The following FRMD6 variants were observed in gnomAD, a reference collection of about 807,000 sequenced individuals.
FRMD6 encodes FERM domain containing 6, also known as FERM domain-containing protein 6.
FRMD6 carries 37 observed loss-of-function variants against 73.2 expected under a neutral mutation model. The ratio of observed to expected loss-of-function variants is 0.51; its 90% confidence interval spans 0.39 to 0.66. The LOEUF (loss-of-function observed/expected upper bound fraction) is 0.66. FRMD6 is among the 30% of genes least tolerant of loss of function. The probability of loss-of-function intolerance (pLI) is 0.00; values close to 1 mark genes in which losing one functional copy is unlikely to be tolerated. For synonymous variants in FRMD6, 273 were observed against 282.2 expected, an observed-to-expected ratio of 0.97 and a Z score of 0.33; for missense variants, 714 against 780.5, an observed-to-expected ratio of 0.91 and a Z score of 1.02.
At chr14:51,426,479 T>A in the FRMD6 span, among the ~76,000 whole-genome samples, 43 of 152,330 alleles carry the variant, frequency 2.8e-4, no homozygotes, top group African/African-American at 9.4e-4. Context: ...ATAGTTTTTT[T>A]AATATACCCT....
At chr14:51,423,318 C>A in the FRMD6 span, among the ~76,000 whole-genome samples, 1 of 152,176 alleles carries the variant, frequency 6.6e-6, no homozygotes, top group Non-Finnish European at 1.5e-5. Context: ...ATGGGGGCAC[C>A]CGTCTGTCAC....
chr14:51,479,109 C>T, the FRMD6 span, among the ~76,000 whole-genome samples: 1 of 152,146 alleles, frequency 6.6e-6, no homozygotes, highest in African/African-American at 2.4e-5. Context: ...TCATTAATTA[C>T]TGACAGCCCA....
chr14:51,559,939 G>A (rs566998976), intron 1 of FRMD6, among the ~76,000 whole-genome samples: 127 of 152,286 alleles, frequency 8.3e-4, no homozygotes, highest in African/African-American at 2.8e-3. Flanking sequence ...ATTTCCAGGC[G>A]TGCCTAGAGT....
the FRMD6 span, among the ~76,000 whole-genome samples, chr14:51,427,930 C>T: frequency 6.6e-6 from 1 of 152,192 alleles, no homozygotes; most frequent in Non-Finnish European, 1.5e-5. Context: ...AATACTACCA[C>T]ATTCTTTAAA....
chr14:51,569,150 A>G (rs1887958435), intron 1 of FRMD6, among the ~76,000 whole-genome samples: 1 of 152,306 alleles, frequency 6.6e-6, no homozygotes, highest in South Asian at 2.1e-4. Context: ...CCAGCCAGAA[A>G]GGCTTTTACT....
intron 2 of FRMD6, among the ~76,000 whole-genome samples, chr14:51,593,521 C>A (rs1300003075): frequency 6.6e-6 from 1 of 152,114 alleles, no homozygotes; most frequent in African/African-American, 2.4e-5. Flanking sequence ...TGTGTTGTAC[C>A]AGCAGACAGT....
chr14:51,582,104 C>G (rs143927231), intron 2 of FRMD6, among the ~76,000 whole-genome samples: 279 of 152,326 alleles, frequency 1.8e-3, no homozygotes, highest in African/African-American at 6.5e-3. Flanking sequence ...GTATTTGTGA[C>G]TACGTCATAC....
At chr14:51,558,762 A>G (rs1193644611) in intron 1 of FRMD6, among the ~76,000 whole-genome samples, 1 of 152,118 alleles carries the variant, frequency 6.6e-6, no homozygotes, top group East Asian at 1.9e-4. Flanking sequence ...CTATTTGAGA[A>G]AATTTGCCCT....
At chr14:51,657,638 G>A (rs1477959292) in intron 1 of FRMD6, among the ~76,000 whole-genome samples, 1 of 152,136 alleles carries the variant, frequency 6.6e-6, no homozygotes, top group Non-Finnish European at 1.5e-5. Context: ...TACATGGTAG[G>A]TGACCTTTTG....
intron 10 of FRMD6, among the ~76,000 whole-genome samples, chr14:51,717,745 A>T (rs1897314976): frequency 1.3e-5 from 2 of 152,166 alleles, no homozygotes; most frequent in African/African-American, 4.8e-5. Context: ...TTAGTTTAGC[A>T]AAAAACAGCA....
At chr14:51,442,895 G>A in the FRMD6 span, among the ~76,000 whole-genome samples, 13 of 152,312 alleles carry the variant, frequency 8.5e-5, no homozygotes, top group East Asian at 1.9e-3. Flanking sequence ...ACAGAGTGAC[G>A]TACCATTTTC....
intron 2 of FRMD6, among the ~76,000 whole-genome samples, chr14:51,617,656 G>A (rs910223902): frequency 4.6e-5 from 7 of 152,106 alleles, no homozygotes; most frequent in African/African-American, 1.7e-4. Flanking sequence ...GGTTGTTGAA[G>A]GGATTAAATG....
At chr14:51,451,948 A>G in the FRMD6 span, among the ~76,000 whole-genome samples, 1 of 152,210 alleles carries the variant, frequency 6.6e-6, no homozygotes, top group Non-Finnish European at 1.5e-5. Flanking sequence ...ACACCCGTGG[A>G]GGACTTTGAC....
At chr14:51,489,230 A>C (rs1882857231) in exon 1 of FRMD6, 1 of 151,958 alleles carries the variant, frequency 6.6e-6, no homozygotes, top group Non-Finnish European at 1.5e-5. Flanking sequence ...TTCCTTGAGC[A>C]CCCCACTCTG....
intron 2 of FRMD6, among the ~76,000 whole-genome samples, chr14:51,591,072 A>ATTTTG (rs911830824): frequency 6.6e-6 from 1 of 151,930 alleles, no homozygotes; most frequent in African/African-American, 2.4e-5. Context: ...TTTTTGGTTC[A>ATTTTG]TTTTGTTTTG....
At position 51,715,219 on chromosome 14, in the gene FRMD6, A is replaced by G. The variant is rs142176874; in HGVS notation, c.850-106A>G. 5.7e-4 allele frequency: 484 copies of G among 846,418 alleles called. 4 individuals carry two copies. In the East Asian group the frequency reaches 0.012, roughly 21 times the overall value. 52.4% of individuals were successfully genotyped at this position (846,418 alleles called of 1,614,324 possible). ...CACAAGGAATTTTAAATGAAACTTT[A>G]TACATTTCAGAATCTATAATTTTCC... On this transcript the variant is annotated intron_variant, in intron 9 of 13. Coordinates refer to ENST00000344768, the MANE Select transcript of FRMD6 (RefSeq NM_001267046.2).
At chr14:51,551,237 A>G (rs1886813313) in intron 1 of FRMD6, among the ~76,000 whole-genome samples, 2 of 152,222 alleles carry the variant, frequency 1.3e-5, no homozygotes, top group African/African-American at 2.4e-5. Flanking sequence ...TTCTTGGGGC[A>G]CTTCCTCTTC....
At chr14:51,454,098 C>T in the FRMD6 span, among the ~76,000 whole-genome samples, 1 of 152,160 alleles carries the variant, frequency 6.6e-6, no homozygotes, top group Admixed American at 6.5e-5. Flanking sequence ...CTATACGCTG[C>T]CTCCGTGAGT....
intron 2 of FRMD6, among the ~76,000 whole-genome samples, chr14:51,585,438 T>A (rs1022125847): frequency 6.6e-6 from 1 of 152,174 alleles, no homozygotes; most frequent in East Asian, 1.9e-4. Context: ...ACAATTTAAC[T>A]GTTTACCCAA....
Sources: allele counts gnomAD v4.1 joint callset (sites outside exome capture counted in the v4.1 genomes callset), GRCh38; gene constraint gnomAD v4.1.1; transcripts MANE v1.5; gene names NCBI Gene and HGNC (gene_info 2026-07-23, HGNC 2026-07-21).